ELMO1: variants seen among roughly 807,000 people sequenced by gnomAD.
The protein encoded by ELMO1 is engulfment and cell motility protein 1.
ELMO1 carries 26 observed loss-of-function variants against 98.9 expected under a neutral mutation model. The observed-to-expected ratio is 0.26, with a 90% CI of 0.19 to 0.36. The LOEUF (loss-of-function observed/expected upper bound fraction) is 0.36. ELMO1 is among the 10% of genes least tolerant of loss of function. The pLI, the probability that ELMO1 is intolerant of heterozygous loss-of-function variation, is 1.00. For synonymous variants in ELMO1, 346 were observed against 346.0 expected (o/e 1.00, Z 0.00); for missense variants, 627 against 935.2 (o/e 0.67, Z 4.30).
intron 16 of ELMO1, among the ~76,000 whole-genome samples, chr7:36,928,303 T>C (rs755174902): frequency 6.6e-6 from 1 of 152,174 alleles, no homozygotes; most frequent in Non-Finnish European, 1.5e-5. Flanking sequence ...TTCTGCCTCC[T>C]TTCCCACCGA....
At chr7:37,055,014 C>G (rs1240056210) in intron 15 of ELMO1, among the ~76,000 whole-genome samples, 1 of 152,236 alleles carries the variant, frequency 6.6e-6, no homozygotes, top group Non-Finnish European at 1.5e-5. Context: ...TGAGCATATT[C>G]CATCACCCAG....
intron 4 of ELMO1, among the ~76,000 whole-genome samples, chr7:37,281,616 A>G (rs993954252): frequency 1.2e-4 from 18 of 152,182 alleles, no homozygotes; most frequent in Non-Finnish European, 2.4e-4. Context: ...ATTTCCCTCC[A>G]TAGCTCGTGA....
chr7:37,329,132 C>G (rs933277784), intron 2 of ELMO1, among the ~76,000 whole-genome samples: 4 of 152,104 alleles, frequency 2.6e-5, no homozygotes, highest in Non-Finnish European at 4.4e-5. Flanking sequence ...AATGCAAAGG[C>G]AGAGCAAAAT....
intron 15 of ELMO1, among the ~76,000 whole-genome samples, chr7:37,045,625 C>G (rs927416111): frequency 3.9e-5 from 6 of 152,164 alleles, no homozygotes; most frequent in South Asian, 2.1e-4. Flanking sequence ...CTTATTTGAA[C>G]TTGGGAGGAA....
intron 13 of ELMO1, among the ~76,000 whole-genome samples, chr7:37,206,111 C>T (rs992548825): frequency 2.6e-5 from 4 of 152,160 alleles, no homozygotes. Context: ...CACGGTGTCA[C>T]AGAGCACTGG....
At chr7:37,444,223 A>G (rs1318113580) in intron 1 of ELMO1, among the ~76,000 whole-genome samples, 1 of 152,194 alleles carries the variant, frequency 6.6e-6, no homozygotes. Flanking sequence ...CCTCCAGAAG[A>G]GATTACAACT....
chr7:37,156,989 C>A (rs1017590098), intron 13 of ELMO1, among the ~76,000 whole-genome samples: 2 of 152,276 alleles, frequency 1.3e-5, no homozygotes, highest in African/African-American at 4.8e-5. Context: ...CTTCTTCATC[C>A]CTGGGATGCA....
chr7:37,358,826 C>T (rs1801591635), intron 1 of ELMO1, among the ~76,000 whole-genome samples: 2 of 152,110 alleles, frequency 1.3e-5, no homozygotes, highest in African/African-American at 4.8e-5. Flanking sequence ...TTACCTTTGC[C>T]TACATGAAGA....
chr7:37,392,841 C>T (rs1230590012), intron 1 of ELMO1, among the ~76,000 whole-genome samples: 3 of 152,142 alleles, frequency 2.0e-5, no homozygotes, highest in African/African-American at 7.2e-5. Context: ...CCTCTGGCTC[C>T]CCAGTCACTA....
chr7:37,383,315 T>C (rs1258770032), intron 1 of ELMO1, among the ~76,000 whole-genome samples: 3 of 152,086 alleles, frequency 2.0e-5, no homozygotes, highest in Non-Finnish European at 2.9e-5. Context: ...TTTTTAAGAG[T>C]ACAGAAAAAA....
chr7:36,919,756 AAG>A (rs1784996053), intron 16 of ELMO1, among the ~76,000 whole-genome samples: 1 of 152,186 alleles, frequency 6.6e-6, no homozygotes, highest in East Asian at 1.9e-4. Context: ...GCTCACGGGG[AAG>A]AGTTTCTGCA....
intron 14 of ELMO1, among the ~76,000 whole-genome samples, chr7:37,110,052 A>G (rs1785164744): frequency 6.6e-6 from 1 of 152,182 alleles, no homozygotes; most frequent in Non-Finnish European, 1.5e-5. Context: ...CCCCTGCCAC[A>G]TGAGGTATGT....
chr7:36,930,982 A>T (rs1262121376), intron 16 of ELMO1, among the ~76,000 whole-genome samples: 2 of 152,216 alleles, frequency 1.3e-5, no homozygotes, highest in African/African-American at 2.4e-5. Context: ...AGAATGGATA[A>T]GAGTTTCTTT....
chr7:36,939,454 T>C (rs1389115508), intron 16 of ELMO1, among the ~76,000 whole-genome samples: 1 of 152,194 alleles, frequency 6.6e-6, no homozygotes, highest in Non-Finnish European at 1.5e-5. Flanking sequence ...GCTCAAGTAC[T>C]CATAGAACAA....
At chr7:37,348,893 T>A (rs141879556) in intron 1 of ELMO1, among the ~76,000 whole-genome samples, 1 of 152,306 alleles carries the variant, frequency 6.6e-6, no homozygotes, top group Non-Finnish European at 1.5e-5. Flanking sequence ...TCCCATATAG[T>A]TTTTTAGTTT....
chr7:37,431,557 G>C (rs999735204), intron 1 of ELMO1, among the ~76,000 whole-genome samples: 2 of 152,096 alleles, frequency 1.3e-5, no homozygotes, highest in Admixed American at 1.3e-4. Flanking sequence ...TCAGACTTGA[G>C]AGTCAGTTTA....
chr7:37,215,721 C>T (rs1450994828), intron 11 of ELMO1, among the ~76,000 whole-genome samples: 1 of 152,246 alleles, frequency 6.6e-6, no homozygotes, highest in African/African-American at 2.4e-5. Context: ...AGGGCTCTCG[C>T]CCAGGTCTCC....
chr7:37,164,683 T>C (rs1379511855), intron 13 of ELMO1, among the ~76,000 whole-genome samples: 4 of 151,060 alleles, frequency 2.6e-5, no homozygotes, highest in African/African-American at 9.7e-5. Context: ...CTCTGTTCTG[T>C]TCCATTGATC....
At chr7:37,261,613 C>G (rs1056673201) in intron 5 of ELMO1, among the ~76,000 whole-genome samples, 1 of 147,364 alleles carries the variant, frequency 6.8e-6, no homozygotes, top group Non-Finnish European at 1.5e-5. Context: ...TTCTTTCTTT[C>G]TTTTTTTTTT....
Sources: allele counts gnomAD v4.1 joint callset (sites outside exome capture counted in the v4.1 genomes callset), GRCh38; gene constraint gnomAD v4.1.1; transcripts MANE v1.5; gene names NCBI Gene and HGNC (gene_info 2026-07-23, HGNC 2026-07-21).